Variants in PTPRK observed in about 807,000 individuals in gnomAD.
PTPRK encodes the protein protein tyrosine phosphatase receptor type K, also known as receptor-type tyrosine-protein phosphatase kappa.
Under a neutral mutation model 178.0 loss-of-function variants are expected in PTPRK, and 75 were observed. The ratio of observed to expected loss-of-function variants is 0.42; its 90% CI spans 0.35 to 0.51. The LOEUF (loss-of-function observed/expected upper bound fraction) is 0.51. PTPRK is among the 20% of genes least tolerant of loss of function. PTPRK has a pLI of 0.02. For synonymous variants in PTPRK, 637 were observed against 620.6 expected, an observed-to-expected ratio of 1.03 and a Z score of -0.39; for missense variants, 1,441 against 1,797.8, an observed-to-expected ratio of 0.80 and a Z score of 3.59.
At chr6:128,489,602 C>A (rs1440089040) in intron 1 of PTPRK, among the ~76,000 whole-genome samples, 1 of 152,118 alleles carries the variant, frequency 6.6e-6, no homozygotes, top group Non-Finnish European at 1.5e-5. Context: ...TAATTTTATT[C>A]TTTTCATATG....
intron 7 of PTPRK, among the ~76,000 whole-genome samples, chr6:128,112,723 T>G (rs990745330): frequency 1.3e-5 from 2 of 151,960 alleles, no homozygotes; most frequent in African/African-American, 4.8e-5. Context: ...GGAGTCATAA[T>G]CCCCCTTAAT....
At chr6:128,342,753 T>C (rs57056055) in intron 2 of PTPRK, among the ~76,000 whole-genome samples, 5,766 of 152,176 alleles carry the variant, frequency 0.038, 381 homozygotes, top group African/African-American at 0.13. Context: ...GAAAAAGTAT[T>C]ATAAATTCAA....
chr6:128,241,369 A>T (rs552238573), intron 4 of PTPRK: 1 of 519,102 alleles, frequency 1.9e-6, no homozygotes, highest in Non-Finnish European at 3.9e-6. Context: ...AGACCTATTC[A>T]ATCAGAACCA....
chr6:128,361,768 T>C (rs759358163), intron 2 of PTPRK, among the ~76,000 whole-genome samples: 25 of 152,302 alleles, frequency 1.6e-4, no homozygotes, highest in Admixed American at 2.6e-4. Flanking sequence ...TCAGATTGTA[T>C]ATACGCAGTC....
At chr6:128,037,396 A>C (rs1331821676) in intron 13 of PTPRK, among the ~76,000 whole-genome samples, 2 of 150,578 alleles carry the variant, frequency 1.3e-5, no homozygotes, top group African/African-American at 5.0e-5. Context: ...GAAACCACAC[A>C]AAAGTATGAT....
intron 3 of PTPRK, among the ~76,000 whole-genome samples, chr6:128,255,136 G>T (rs543687852): frequency 1.3e-5 from 2 of 152,038 alleles, no homozygotes; most frequent in Non-Finnish European, 2.9e-5. Flanking sequence ...GACTACAGGC[G>T]CCCGCCACCA....
chr6:128,487,623 T>G (rs1853141762), intron 1 of PTPRK, among the ~76,000 whole-genome samples: 1 of 151,938 alleles, frequency 6.6e-6, no homozygotes, highest in Admixed American at 6.6e-5. Context: ...CCAAGAAGAA[T>G]GAACAGACAG....
At chr6:128,490,955 C>T (rs1339490541) in intron 1 of PTPRK, among the ~76,000 whole-genome samples, 7 of 152,282 alleles carry the variant, frequency 4.6e-5, no homozygotes, top group Non-Finnish European at 8.8e-5. Flanking sequence ...ACTCTTATGA[C>T]ATCATTTAAC....
At chr6:128,230,943 C>T (rs1291335643) in intron 5 of PTPRK, 1 of 152,096 alleles carries the variant, frequency 6.6e-6, no homozygotes, top group African/African-American at 2.4e-5. Flanking sequence ...AATCTGTAAA[C>T]ATTAAATTCA....
Position 128,199,041 on chromosome 6 carries a change from T to C in PTPRK, c.869-14316A>G, listed in dbSNP as rs139954786. 9.7e-3 allele frequency among the ~76,000 whole-genome samples: 1,477 copies of C among 152,180 alleles called. 12 individuals are homozygous for C. Among genetic ancestry groups the C allele is most frequent in the Middle Eastern group, 0.02 (6 of 294 alleles). ...GGTGGAGTATAAATTATATGAGAAA[T>C]TAAGAAAATTTTTTGCCAGTACCTC... is the stretch of plus-strand genomic sequence containing the variant. On this transcript the variant is annotated intron_variant, in intron 6 of 29. Transcript: ENST00000368226.
At chr6:128,447,685 C>T (rs1185684358) in intron 1 of PTPRK, among the ~76,000 whole-genome samples, 4 of 151,106 alleles carry the variant, frequency 2.6e-5, no homozygotes, top group Non-Finnish European at 4.4e-5. Flanking sequence ...AGTGCAATGG[C>T]ACGATCTTGG....
chr6:128,024,424 C>A (rs1026648940), intron 13 of PTPRK, among the ~76,000 whole-genome samples: 1 of 152,182 alleles, frequency 6.6e-6, no homozygotes, highest in Non-Finnish European at 1.5e-5. Flanking sequence ...TAAAAAATTA[C>A]TGGTTCTCTA....
chr6:128,286,654 T>C (rs947540623), intron 3 of PTPRK, among the ~76,000 whole-genome samples: 1 of 152,228 alleles, frequency 6.6e-6, no homozygotes, highest in Non-Finnish European at 1.5e-5. Context: ...CACCACTAGC[T>C]ACAGTTCATG....
At chr6:128,387,857 C>T (rs1838982474) in intron 2 of PTPRK, among the ~76,000 whole-genome samples, 1 of 151,892 alleles carries the variant, frequency 6.6e-6, no homozygotes, top group Non-Finnish European at 1.5e-5. Context: ...GGCTGAATAA[C>T]GCATTAGAGC....
chr6:128,019,905 T>C (rs562434368), intron 13 of PTPRK, among the ~76,000 whole-genome samples: 3 of 152,238 alleles, frequency 2.0e-5, no homozygotes, highest in East Asian at 1.9e-4. Context: ...GTGTGGGTTT[T>C]TTTAAGTTGA....
At chr6:128,470,129 A>G (rs773521789) in intron 1 of PTPRK, among the ~76,000 whole-genome samples, 2 of 152,174 alleles carry the variant, frequency 1.3e-5, no homozygotes, top group Non-Finnish European at 2.9e-5. Context: ...CAATGAAAAC[A>G]TTATACATCC....
intron 7 of PTPRK, among the ~76,000 whole-genome samples, chr6:128,097,972 T>C (rs768081454): frequency 6.6e-6 from 1 of 152,136 alleles, no homozygotes; most frequent in Non-Finnish European, 1.5e-5. Flanking sequence ...AGAGGAGCTG[T>C]ACATAGCAAA....
rs1376694805 is a variant in PTPRK, at chr6:128,218,930, A to G, written c.860T>C (p.Ile287Thr). The change falls in exon 6 of 30, where the codon ATT becomes ACT. Residue 287 changes from isoleucine to threonine, a missense_variant. Ile to Thr is a moderately conservative substitution (Grantham distance 89). Transcript: ENST00000368226. ...GSGVSNFAQL[I>T]VREPPRPIAP... ...AAACAATTTCACCTTACCTCTCACAATAAGTTGAGCAAAATTGGACACACC... is the reference window on the plus strand; with the variant it reads ...AAACAATTTCACCTTACCTCTCACAGTAAGTTGAGCAAAATTGGACACACC... The G allele has an allele frequency of 3.7e-6, 6 of 1,611,392 alleles. No homozygotes were observed. The highest frequency in any genetic ancestry group is 2.2e-5 in the South Asian group (2 of 90,496).
chr6:128,216,725 T>C (rs1809378656), intron 6 of PTPRK, among the ~76,000 whole-genome samples: 1 of 151,944 alleles, frequency 6.6e-6, no homozygotes, highest in South Asian at 2.1e-4. Context: ...TCAATTAAGA[T>C]AAACAAAAGA....
Sources: gnomAD v4.1 joint callset for allele counts (sites outside exome capture counted in the v4.1 genomes callset) on GRCh38, gnomAD v4.1.1 for gene constraint, MANE v1.5 for transcripts, NCBI Gene and HGNC (gene_info 2026-07-23, HGNC 2026-07-21) for gene names.